Variants in SLC25A48 observed in about 807,000 individuals in gnomAD.
The protein encoded by SLC25A48 is solute carrier family 25 member 48.
SLC25A48 carries 29 observed loss-of-function variants against 32.2 expected under a neutral mutation model. The ratio of observed to expected loss-of-function variants is 0.90; its 90% CI spans 0.67 to 1.23. SLC25A48 has a LOEUF of 1.23. Among genes scored for constraint, SLC25A48 ranks in the 50% most tolerant of loss-of-function variants. SLC25A48 has a pLI of 0.00. For synonymous variants in SLC25A48, 164 were observed against 172.3 expected (o/e 0.95, Z 0.38); for missense variants, 399 against 422.7 (o/e 0.94, Z 0.49).
rs73300473 is a variant in SLC25A48, at chr5:135,620,352, G to A, written c.-848-8885G>A. Among the ~76,000 whole-genome samples the A allele has an allele frequency of 3.6e-3, 546 of 152,166 alleles. 3 individuals carry two copies. Among genetic ancestry groups the A allele is most frequent in the African/African-American group, 0.013 (527 of 41,490 alleles). On this transcript the variant is annotated intron_variant, in intron 1 of 10. Coordinates refer to the SLC25A48 transcript ENST00000646290. Reference sequence around the variant, plus strand: ...AGCTGAGCTGGGCAGACCTTCCTTCGGGCCACCCAGTGGTATATATGGGTG... The same window carrying A: ...AGCTGAGCTGGGCAGACCTTCCTTCAGGCCACCCAGTGGTATATATGGGTG...
chr5:135,591,410 A>G (rs953885526), intron 1 of SLC25A48, among the ~76,000 whole-genome samples: 1 of 152,192 alleles, frequency 6.6e-6, no homozygotes, highest in African/African-American at 2.4e-5. Flanking sequence ...GTGCCATGGA[A>G]CATGACTCAG....
chr5:135,816,781 A>T (rs1423740517), intron 4 of SLC25A48, among the ~76,000 whole-genome samples: 1 of 152,230 alleles, frequency 6.6e-6, no homozygotes, highest in Non-Finnish European at 1.5e-5. Context: ...GGAAAACAGA[A>T]AACACAGGAC....
intron 3 of SLC25A48, among the ~76,000 whole-genome samples, chr5:135,702,633 T>C (rs1178453447): frequency 6.6e-6 from 1 of 152,252 alleles, no homozygotes; most frequent in Non-Finnish European, 1.5e-5. Flanking sequence ...ACCATTTTAT[T>C]CTTACAGTCA....
chr5:135,877,999 T>C (rs1762178897), intron 6 of SLC25A48, among the ~76,000 whole-genome samples: 1 of 151,960 alleles, frequency 6.6e-6, no homozygotes, highest in South Asian at 2.1e-4. Context: ...AGGGAGAGCA[T>C]GTGGGTCGTT....
At chr5:135,623,027 C>A (rs1752362025) in intron 1 of SLC25A48, among the ~76,000 whole-genome samples, 1 of 152,176 alleles carries the variant, frequency 6.6e-6, no homozygotes, top group Admixed American at 6.5e-5. Context: ...CTGAGTCAAC[C>A]TGCACTGCAG....
chr5:135,874,514 T>TC lies in SLC25A48; in HGVS notation c.813+364dup. 3 of 559,880 alleles carry TC rather than the reference T, an allele frequency of 5.4e-6. No homozygotes were observed. The South Asian group carries it at 6.8e-5, about 13-fold the overall frequency. The allele number at this position is 559,880 out of a possible 1,614,324, so 34.7% of individuals were successfully genotyped here. A position where few individuals can be genotyped will look rare whatever the true frequency, so the allele number is the denominator to read the frequency against. On this transcript the variant is annotated intron_variant, in intron 6 of 7. Transcript: ENST00000681962. ...CTTCCTCACTCATGGCTCAGTGCCTTCCCCACTCCTCCTCCCAGTGGGAAG... is the reference window on the plus strand; with the variant it reads ...CTTCCTCACTCATGGCTCAGTGCCTTCCCCCACTCCTCCTCCCAGTGGGAAG...
intron 3 of SLC25A48, among the ~76,000 whole-genome samples, chr5:135,781,031 T>A (rs12653491): frequency 0.51 from 58,420 of 114,158 alleles, 22,283 homozygotes; most frequent in Middle Eastern, 0.71. Flanking sequence ...AGATGATGAT[T>A]CTACTTCCAA....
chr5:135,694,142 G>C (rs546144242), intron 3 of SLC25A48, among the ~76,000 whole-genome samples: 7 of 152,132 alleles, frequency 4.6e-5, no homozygotes, highest in African/African-American at 1.4e-4. Context: ...TGAATGGCTG[G>C]GCCTGCACAG....
Position 135,801,207 on chromosome 5 carries a change from A to G in SLC25A48, c.-520-11316A>G, listed in dbSNP as rs182298556. On this transcript the variant is annotated intron_variant, in intron 3 of 10. Transcript: ENST00000646290. ...GTAATATCCAGGGTGGTAGGGGATG[A>G]TATTACTCCCAATATCACAAGGGGT... is the stretch of plus-strand genomic sequence containing the variant. 8.3e-3 allele frequency among the ~76,000 whole-genome samples: 1,251 copies of G among 150,216 alleles called. 12 individuals carry two copies. Among genetic ancestry groups the G allele is most frequent in the Non-Finnish European group, 9.9e-3 (670 of 67,346 alleles).
At chr5:135,839,672 G>A (rs1758828787) in intron 1 of SLC25A48, among the ~76,000 whole-genome samples, 1 of 152,144 alleles carries the variant, frequency 6.6e-6, no homozygotes, top group South Asian at 2.1e-4. Context: ...GAATGATATA[G>A]TTTGGCTGTG....
chr5:135,642,024 T>G (rs554578162), intron 3 of SLC25A48, among the ~76,000 whole-genome samples: 1 of 152,364 alleles, frequency 6.6e-6, no homozygotes, highest in East Asian at 1.9e-4. Context: ...TTCTAAGATC[T>G]TATCTCTTTA....
chr5:135,694,854 T>C (rs1010010907), intron 3 of SLC25A48, among the ~76,000 whole-genome samples: 2 of 152,176 alleles, frequency 1.3e-5, no homozygotes, highest in Non-Finnish European at 2.9e-5. Context: ...CCCAAAGTGC[T>C]GAGATTATAG....
At chr5:135,775,316 T>C (rs1399663109) in intron 3 of SLC25A48, among the ~76,000 whole-genome samples, 1 of 151,444 alleles carries the variant, frequency 6.6e-6, no homozygotes, top group African/African-American at 2.4e-5. Flanking sequence ...GGGAAGAAGA[T>C]GACATTACTC....
chr5:135,868,920 T>C (rs932665536), intron 4 of SLC25A48, among the ~76,000 whole-genome samples: 1 of 152,122 alleles, frequency 6.6e-6, no homozygotes, highest in Non-Finnish European at 1.5e-5. Flanking sequence ...AGGTCACTCT[T>C]ACCTGGAAAT....
rs187013395 is a variant in SLC25A48, at chr5:135,737,102, G to A, written c.-520-75421G>A. On this transcript the variant is annotated intron_variant, in intron 3 of 10. Coordinates refer to the SLC25A48 transcript ENST00000646290. Reference sequence around the variant, plus strand: ...ACAGCACCAAATTTCACTCACGTCCGTGTGAAGAGACCACCAAACAGGCTT... The same window carrying A: ...ACAGCACCAAATTTCACTCACGTCCATGTGAAGAGACCACCAAACAGGCTT... Among the ~76,000 whole-genome samples the A allele has an allele frequency of 2.0e-3, 304 of 152,300 alleles. 1 individual carries two copies. The highest frequency in any genetic ancestry group is 6.8e-3 in the African/African-American group (281 of 41,550).
chr5:135,715,908 A>G (rs934406577), intron 3 of SLC25A48, among the ~76,000 whole-genome samples: 6 of 152,144 alleles, frequency 3.9e-5, no homozygotes, highest in Non-Finnish European at 5.9e-5. Context: ...GCTGTGATGT[A>G]ATCCTGTTTC....
At chr5:135,582,436 C>T (rs2126869976) in intron 1 of SLC25A48, among the ~76,000 whole-genome samples, 1 of 152,136 alleles carries the variant, frequency 6.6e-6, no homozygotes, top group African/African-American at 2.4e-5. Context: ...GGGGATCTGA[C>T]AGGGTGACGA....
At chr5:135,603,373 C>A (rs1315345115) in intron 1 of SLC25A48, among the ~76,000 whole-genome samples, 1 of 152,264 alleles carries the variant, frequency 6.6e-6, no homozygotes, top group Admixed American at 6.5e-5. Context: ...AGGTAAATGA[C>A]TTCAGGCAGA....
chr5:135,855,726 G>A (rs2126751397), intron 4 of SLC25A48, among the ~76,000 whole-genome samples: 1 of 152,320 alleles, frequency 6.6e-6, no homozygotes, highest in East Asian at 1.9e-4. Context: ...CACGAAGCTA[G>A]CCCCAGCTGA....
Sources: gnomAD v4.1 joint callset for allele counts (sites outside exome capture counted in the v4.1 genomes callset) on GRCh38, gnomAD v4.1.1 for gene constraint, MANE v1.5 for transcripts, NCBI Gene and HGNC (gene_info 2026-07-23, HGNC 2026-07-21) for gene names.